LDAF1: variants seen among roughly 807,000 people sequenced by gnomAD.
The protein encoded by LDAF1 is PROMETHIN.
LDAF1 carries 7 observed loss-of-function variants against 13.5 expected under a neutral mutation model. That is an observed-to-expected ratio of 0.52 (90% CI 0.29 to 0.97). LDAF1 has a LOEUF of 0.97. LDAF1 is among the 50% of genes least tolerant of loss of function. The pLI is 0.07. For synonymous variants in LDAF1, 69 were observed against 77.1 expected (o/e 0.89, Z 0.55); for missense variants, 148 against 193.2 (o/e 0.77, Z 1.39).
intron 2 of LDAF1, among the ~76,000 whole-genome samples, chr16:21,163,527 C>T (rs767997469): frequency 2.0e-5 from 3 of 152,134 alleles, no homozygotes; most frequent in Non-Finnish European, 4.4e-5. Flanking sequence ...CGCCTGTAAT[C>T]CTAGCCTCTT....
chr16:21,163,106 A>G (rs887682571), intron 2 of LDAF1, among the ~76,000 whole-genome samples: 3 of 152,246 alleles, frequency 2.0e-5, no homozygotes, highest in African/African-American at 7.2e-5. Flanking sequence ...TTTTCTGCAT[A>G]AGGCACATCA....
chr16:21,172,536 G>A (rs978293748), intron 3 of LDAF1, among the ~76,000 whole-genome samples: 11 of 152,126 alleles, frequency 7.2e-5, no homozygotes, highest in Non-Finnish European at 1.3e-4. Context: ...CTGAGGTGAC[G>A]GGATCGCTTG....
intron 2 of LDAF1, among the ~76,000 whole-genome samples, chr16:21,166,331 CTA>C (rs912360268): frequency 6.6e-6 from 1 of 152,128 alleles, no homozygotes; most frequent in Non-Finnish European, 1.5e-5. Context: ...TATTTAATCT[CTA>C]TTCAGATTTT....
intron 3 of LDAF1, among the ~76,000 whole-genome samples, chr16:21,172,266 T>C (rs2093096215): frequency 6.6e-6 from 1 of 150,694 alleles, no homozygotes; most frequent in Non-Finnish European, 1.5e-5. Flanking sequence ...GCCAACATGG[T>C]GAAACCCCAT....
At chr16:21,168,006 C>CAA (rs746968001) in intron 2 of LDAF1, among the ~76,000 whole-genome samples, 3 of 119,652 alleles carry the variant, frequency 2.5e-5, no homozygotes, top group Non-Finnish European at 5.3e-5. Flanking sequence ...AACTCCATCT[C>CAA]AAAAAAAAAA....
intron 2 of LDAF1, among the ~76,000 whole-genome samples, chr16:21,169,958 T>C (rs2093070155): frequency 6.6e-6 from 1 of 151,362 alleles, no homozygotes; most frequent in South Asian, 2.1e-4. Context: ...TTGTTATTCT[T>C]ATTATCATTT....
intron 3 of LDAF1, among the ~76,000 whole-genome samples, 158 bp from the exon 4 acceptor site, chr16:21,173,850 CCT>C (rs1048192230): frequency 1.3e-5 from 2 of 152,166 alleles, no homozygotes; most frequent in South Asian, 2.1e-4. Flanking sequence ...CATATCGCCT[CCT>C]TTTTTTAAGT....
chr16:21,169,313 T>C lies in LDAF1; in HGVS notation c.97-1124T>C, dbSNP rs565011901. 134 of 251,084 alleles carry C rather than the reference T, an allele frequency of 5.3e-4. 1 individual carries two copies. The South Asian group carries it at 0.01, about 20-fold the overall frequency. The allele number at this position is 251,084 out of a possible 1,614,324, so 15.6% of individuals were successfully genotyped here. On this transcript the variant is annotated intron_variant, in intron 2 of 4. Transcript: ENST00000233047. ...TGAGATTCTGCATTTCCTTTTTTTT[T>C]CCCCTTTTTCTGGAGACAAGATCTC...
chr16:21,167,621 C>T (rs1428446012), intron 2 of LDAF1, among the ~76,000 whole-genome samples: 3 of 146,562 alleles, frequency 2.0e-5, no homozygotes, highest in African/African-American at 7.5e-5. Context: ...AGGTTGATGA[C>T]ATAAAAGCAT....
At chr16:21,159,931 T>C in intron 1 of LDAF1, 2 of 985,280 alleles carry the variant, frequency 2.0e-6, no homozygotes, top group Non-Finnish European at 2.4e-6. Context: ...CAGAGGCAGC[T>C]TCAAAGAGAG....
chr16:21,177,685 C>A (rs1020513283), intron 4 of LDAF1, among the ~76,000 whole-genome samples: 2 of 131,998 alleles, frequency 1.5e-5, no homozygotes, highest in Non-Finnish European at 3.1e-5. Flanking sequence ...GTGGCTTGAT[C>A]TTGGTTCACA....
At chr16:21,160,944 G>A in intron 1 of LDAF1, 141 bp from the exon 2 acceptor site, 1 of 1,003,566 alleles carries the variant, frequency 1.0e-6, no homozygotes, top group Middle Eastern at 3.5e-4. Flanking sequence ...GGATTGAAGT[G>A]TGTGCAATCT....
rs758023545 is a variant in LDAF1, at chr16:21,179,502, T to C, written c.432T>C (p.Cys144=). 1 of 1,614,180 alleles carries C rather than the reference T, an allele frequency of 6.2e-7. No individual in the cohort carries two copies. The highest frequency in any genetic ancestry group is 1.1e-5 in the South Asian group (1 of 91,080). ...CACTGACACAGCAAAACACCAGTTG[T>C]GACTTTCTGCCAGCCATGAAGTCTG... ...PRPLTQQNTS[C]DFLPAMKSAE... is the part of the protein sequence containing the mutation. The change falls in exon 5 of 5, where the codon TGT becomes TGC. Residue 144 remains cysteine (C), a synonymous_variant. Coordinates refer to ENST00000233047, the MANE Select transcript of LDAF1 (RefSeq NM_001301771.2).
At chr16:21,165,413 A>G in intron 2 of LDAF1, 1 of 199,292 alleles carries the variant, frequency 5.0e-6, no homozygotes, top group Non-Finnish European at 9.0e-6. Flanking sequence ...TCCATCTCAA[A>G]AAAACAAAAG....
chr16:21,179,334 A>G lies in LDAF1; in HGVS notation c.405-141A>G, dbSNP rs185863134. The G allele has an allele frequency of 4.3e-5, 67 of 1,544,792 alleles. No individual in the cohort carries two copies. The Admixed American group carries it at 4.4e-4, about 10-fold the overall frequency. ...CTGTGCCCTCAGTTTCTTCATCTGT[A>G]TAATGGACATAGGCCTGGTGTGGTT... On this transcript the variant is annotated intron_variant, in intron 4 of 4. Transcript: ENST00000233047.
chr16:21,159,361 C>A, intron 1 of LDAF1: 2 of 1,614,154 alleles, frequency 1.2e-6, no homozygotes, highest in South Asian at 2.2e-5. Context: ...CTTGGGTCTC[C>A]CTGGCTTTTG....
At chr16:21,164,857 C>T (rs2093008673) in intron 2 of LDAF1, among the ~76,000 whole-genome samples, 2 of 152,210 alleles carry the variant, frequency 1.3e-5, no homozygotes, top group Admixed American at 6.5e-5. Context: ...TTAATTGCTA[C>T]GTTCTACCCC....
At chr16:21,165,985 A>C (rs971063766) in intron 2 of LDAF1, among the ~76,000 whole-genome samples, 1 of 151,844 alleles carries the variant, frequency 6.6e-6, no homozygotes, top group Non-Finnish European at 1.5e-5. Flanking sequence ...TCAGCCTCCC[A>C]AGTAGCTAGG....
intron 1 of LDAF1, chr16:21,159,985 C>G: frequency 4.1e-6 from 4 of 984,838 alleles, no homozygotes; most frequent in Non-Finnish European, 4.8e-6. Flanking sequence ...CTTTCCCCTC[C>G]AAAGGGTTTC....
Sources: allele counts gnomAD v4.1 joint callset (sites outside exome capture counted in the v4.1 genomes callset), GRCh38; gene constraint gnomAD v4.1.1; transcripts MANE v1.5; gene names NCBI Gene and HGNC (gene_info 2026-07-23, HGNC 2026-07-21).